The following SERINC5 variants were observed in gnomAD, a reference collection of about 807,000 sequenced individuals.
SERINC5 encodes the protein chromosome 5 open reading frame 12.
A neutral mutation model predicts 63.1 loss-of-function variants in SERINC5; 41 were observed. That is an observed-to-expected ratio of 0.65 (90% CI 0.51 to 0.84). The LOEUF is 0.84. SERINC5 is among the 40% of genes least tolerant of loss of function. The pLI is 0.00. For synonymous variants in SERINC5, 222 were observed against 215.2 expected, an observed-to-expected ratio of 1.03 and a Z score of -0.28; for missense variants, 523 against 573.0, an observed-to-expected ratio of 0.91 and a Z score of 0.89.
intron 11 of SERINC5, among the ~76,000 whole-genome samples, chr5:80,128,021 C>T (rs562167263): frequency 6.6e-6 from 1 of 152,110 alleles, no homozygotes; most frequent in Non-Finnish European, 1.5e-5. Flanking sequence ...TAGTTATCAA[C>T]ATCTTATAAA....
intron 1 of SERINC5, 74 bp downstream of exon 1, chr5:80,255,822 A>G: frequency 6.8e-7 from 1 of 1,469,928 alleles, no homozygotes; most frequent in Non-Finnish European, 9.3e-7. Flanking sequence ...GCACCCAGGC[A>G]GGTCCTCCAC....
At chr5:80,220,813 G>A (rs1750866288) in intron 1 of SERINC5, among the ~76,000 whole-genome samples, 1 of 152,150 alleles carries the variant, frequency 6.6e-6, no homozygotes, top group Admixed American at 6.5e-5. Context: ...ATGTGGTGGT[G>A]GGAGTGGTGG....
At chr5:80,185,559 C>G (rs1748741907) in intron 2 of SERINC5, among the ~76,000 whole-genome samples, 1 of 152,066 alleles carries the variant, frequency 6.6e-6, no homozygotes, top group Non-Finnish European at 1.5e-5. Flanking sequence ...GCAATAAAAG[C>G]TTTTAATCAC....
At chr5:80,190,560 C>T (rs1749119723) in intron 2 of SERINC5, among the ~76,000 whole-genome samples, 2 of 152,148 alleles carry the variant, frequency 1.3e-5, no homozygotes, top group Non-Finnish European at 2.9e-5. Context: ...TAGGGGGATA[C>T]GAGCTGTGAA....
At chr5:80,175,070 C>A in intron 4 of SERINC5, 23 bp from the exon 5 acceptor site, 1 of 1,510,418 alleles carries the variant, frequency 6.6e-7, no homozygotes, top group African/African-American at 1.4e-5. Flanking sequence ...ATGAAGAACA[C>A]AATGAGGCAA....
intron 1 of SERINC5, among the ~76,000 whole-genome samples, chr5:80,254,149 C>A (rs1014881585): frequency 1.3e-5 from 2 of 152,212 alleles, no homozygotes; most frequent in Non-Finnish European, 2.9e-5. Flanking sequence ...GTCTCCAACT[C>A]CTGATCTCAG....
intron 11 of SERINC5, among the ~76,000 whole-genome samples, chr5:80,131,430 G>C (rs111982624): frequency 6.6e-6 from 1 of 152,142 alleles, no homozygotes; most frequent in Non-Finnish European, 1.5e-5. Context: ...TATTAGCAGC[G>C]TGAGAACAGA....
chr5:80,162,844 A>G (rs939154552), intron 7 of SERINC5, among the ~76,000 whole-genome samples: 5 of 142,814 alleles, frequency 3.5e-5, no homozygotes, highest in Non-Finnish European at 7.4e-5. Flanking sequence ...AACACTACTG[A>G]CTTTTTTTTT....
In SERINC5 at chr5:80,203,021, A is replaced by G; in HGVS notation, c.60T>C (p.Ser20=). The change falls in exon 2 of 12, where the codon TCT becomes TCC. Residue 20 remains serine (S), a synonymous_variant. Transcript: ENST00000507668. ...TCCTGGGGCAGCAATCACAGCAGAG[A>G]GAGCAGCCTGCAGACCCACAGCAGC... ...LACCCGSAGC[S]LCCDCCPRIR... is the part of the protein sequence containing the mutation. The G allele has an allele frequency of 6.2e-7, 1 of 1,612,404 alleles. No homozygotes were observed. The highest frequency in any genetic ancestry group is 8.5e-7 in the Non-Finnish European group (1 of 1,179,120).
intron 2 of SERINC5, among the ~76,000 whole-genome samples, chr5:80,190,958 C>CG (rs1240267466): frequency 0.062 from 8 of 128 alleles, no homozygotes; most frequent in Non-Finnish European, 0.088. Context: ...TCCTGGATCA[C>CG]CAAATGCTTG....
At position 80,142,309 on chromosome 5, in the gene SERINC5, C is replaced by G. The variant is rs1745557247; in HGVS notation, c.*1354G>C. 1 of 982,714 alleles carries G rather than the reference C, an allele frequency of 1.0e-6. No homozygotes were observed. The highest frequency in any genetic ancestry group is 4.7e-5 in the South Asian group (1 of 21,244). 60.9% of individuals were successfully genotyped at this position (982,714 alleles called of 1,614,324 possible). A position where few individuals can be genotyped will look rare whatever the true frequency, so the allele number is the denominator to read the frequency against. On this transcript the variant is annotated 3_prime_UTR_variant, in exon 12 of 12. Transcript: ENST00000507668. ...TCCTGTGCAGCGTGATCTCGGCTCACTGCAACCTCCGCCTCCCGGGTTCAA... is the reference window on the plus strand; with the variant it reads ...TCCTGTGCAGCGTGATCTCGGCTCAGTGCAACCTCCGCCTCCCGGGTTCAA...
chr5:80,136,730 A>C (rs1004286587), downstream of SERINC5, among the ~76,000 whole-genome samples: 1 of 152,220 alleles, frequency 6.6e-6, no homozygotes, highest in Non-Finnish European at 1.5e-5. Context: ...AAGATATATA[A>C]GAAACTCAAA....
chr5:80,252,541 A>G (rs17201222), intron 1 of SERINC5, among the ~76,000 whole-genome samples: 10,643 of 152,280 alleles, frequency 0.07, 509 homozygotes, highest in Non-Finnish European at 0.11. Context: ...CTTAGCATCC[A>G]TTAGCCAACA....
chr5:80,136,894 G>C (rs894701994), downstream of SERINC5, among the ~76,000 whole-genome samples: 5 of 152,090 alleles, frequency 3.3e-5, no homozygotes, highest in Admixed American at 6.5e-5. Flanking sequence ...CCAGCATTTT[G>C]GGAGGCCGAG....
At chr5:80,123,364 G>A (rs1476642729) in intron 11 of SERINC5, among the ~76,000 whole-genome samples, 2 of 152,140 alleles carry the variant, frequency 1.3e-5, no homozygotes, top group African/African-American at 4.8e-5. Flanking sequence ...ATCTCAGCTG[G>A]GAGGATCCCA....
In SERINC5 at chr5:80,143,726, C is replaced by T; in HGVS notation, c.1323G>A (p.Val441=). 6.5e-7 allele frequency: 1 copy of T among 1,536,166 alleles called. No homozygotes were observed. Among genetic ancestry groups the T allele is most frequent in the Non-Finnish European group, 8.7e-7 (1 of 1,146,892 alleles). The change falls in exon 12 of 12, where the codon GTG becomes GTA. Residue 441 remains valine (V), a synonymous_variant. Transcript: ENST00000507668. The stretch of plus-strand genomic sequence containing the variant: ...CGACCAGCGTACACAGGTACAACAG[C>T]ACGCATATCCAGCAGGAGGCCATCT... ...WVKMASCWIC[V]LLYLCTLVAP... is the part of the protein sequence containing the mutation.
chr5:80,139,312 T>A lies in SERINC5; in HGVS notation c.*4351A>T. Reference sequence around the variant, plus strand: ...TTTCTTATAAATAGCTCTCCAGACATATATTACAAATCTGCTGTAAGCTTT... The same window carrying A: ...TTTCTTATAAATAGCTCTCCAGACAAATATTACAAATCTGCTGTAAGCTTT... On this transcript the variant is annotated 3_prime_UTR_variant, in exon 12 of 12. Transcript: ENST00000507668. 1 of 981,432 alleles carries A rather than the reference T, an allele frequency of 1.0e-6. No individual in the cohort carries two copies. Among genetic ancestry groups the A allele is most frequent in the Non-Finnish European group, 1.2e-6 (1 of 826,338 alleles). 60.8% of individuals were successfully genotyped at this position (981,432 alleles called of 1,614,324 possible).
chr5:80,193,259 TC>T, intron 2 of SERINC5, among the ~76,000 whole-genome samples: 1 of 152,342 alleles, frequency 6.6e-6, no homozygotes, highest in Non-Finnish European at 1.5e-5. Context: ...TGTTTCCTGT[TC>T]CCATCGCTCT....
downstream of SERINC5, among the ~76,000 whole-genome samples, chr5:80,134,373 C>T (rs1026402184): frequency 3.3e-5 from 5 of 152,130 alleles, no homozygotes; most frequent in African/African-American, 1.2e-4. Context: ...GTAGTCCCAG[C>T]TACTCAGGAG....
Sources: allele counts gnomAD v4.1 joint callset (sites outside exome capture counted in the v4.1 genomes callset), GRCh38; gene constraint gnomAD v4.1.1; transcripts MANE v1.5; gene names NCBI Gene and HGNC (gene_info 2026-07-23, HGNC 2026-07-21).